NALF1: variants seen among roughly 807,000 people sequenced by gnomAD.
NALF1 encodes NALCN channel auxiliary factor 1, also known as family with sequence similarity 155 member A.
A neutral mutation model predicts 48.4 loss-of-function variants in NALF1; 3 were observed. The observed-to-expected ratio is 0.06, with a 90% CI of 0.03 to 0.16. The LOEUF (loss-of-function observed/expected upper bound fraction) is 0.16, where lower values mean the gene tolerates loss of function less well. Among genes scored for constraint, NALF1 ranks in the 10% least tolerant of loss-of-function variants. The probability of loss-of-function intolerance (pLI) is 1.00; values close to 1 mark genes in which losing one functional copy is unlikely to be tolerated. For missense variants in NALF1, 526 were observed against 571.5 expected (o/e 0.92, Z 0.81); for synonymous variants, 262 against 245.7 (o/e 1.07, Z -0.62).
At chr13:107,659,974 G>T (rs942101113) in intron 1 of NALF1, among the ~76,000 whole-genome samples, 1 of 151,620 alleles carries the variant, frequency 6.6e-6, no homozygotes, top group East Asian at 2.0e-4. Flanking sequence ...CTTGTGATCC[G>T]CCTGCCTTGG....
chr13:107,775,280 C>G (rs905168823), intron 1 of NALF1, among the ~76,000 whole-genome samples: 1 of 146,184 alleles, frequency 6.8e-6, no homozygotes, highest in Non-Finnish European at 1.5e-5. Context: ...TGTTCAATTC[C>G]CACCTATGAG....
intron 1 of NALF1, among the ~76,000 whole-genome samples, chr13:107,645,162 A>G (rs1566427881): frequency 6.6e-6 from 1 of 152,156 alleles, no homozygotes; most frequent in Non-Finnish European, 1.5e-5. Flanking sequence ...AAGGATGTAT[A>G]TATTTGGCTT....
chr13:107,409,432 C>A (rs1883952186), intron 1 of NALF1, among the ~76,000 whole-genome samples: 1 of 152,064 alleles, frequency 6.6e-6, no homozygotes, highest in Non-Finnish European at 1.5e-5. Flanking sequence ...ATGAAAGGAT[C>A]CGGCCTGTTA....
chr13:107,754,926 G>A (rs990663122), intron 1 of NALF1, among the ~76,000 whole-genome samples: 4 of 152,044 alleles, frequency 2.6e-5, no homozygotes, highest in Non-Finnish European at 4.4e-5. Context: ...TTCTTTTCAT[G>A]TTTTCCTCGA....
intron 1 of NALF1, among the ~76,000 whole-genome samples, chr13:107,728,824 C>T (rs1445304422): frequency 1.3e-5 from 2 of 152,164 alleles, no homozygotes; most frequent in Non-Finnish European, 2.9e-5. Context: ...TCGTCAGAGG[C>T]TGGCATAGCT....
chr13:107,284,664 G>C (rs925919176), intron 1 of NALF1, among the ~76,000 whole-genome samples: 1 of 152,122 alleles, frequency 6.6e-6, no homozygotes, highest in Non-Finnish European at 1.5e-5. Flanking sequence ...GTTTAGATGC[G>C]GTCATAAAGG....
chr13:107,666,644 G>A (rs193275108), intron 1 of NALF1, among the ~76,000 whole-genome samples: 49 of 152,218 alleles, frequency 3.2e-4, no homozygotes, highest in African/African-American at 1.1e-3. Flanking sequence ...TAGGACAAAC[G>A]AGATTAATTT....
intron 1 of NALF1, among the ~76,000 whole-genome samples, chr13:107,766,221 A>C (rs1385864837): frequency 6.6e-6 from 1 of 152,192 alleles, no homozygotes; most frequent in Non-Finnish European, 1.5e-5. Flanking sequence ...TTCTTAAAAG[A>C]TAAATCTGTA....
intron 1 of NALF1, among the ~76,000 whole-genome samples, chr13:107,624,693 A>T (rs1030400206): frequency 1.3e-5 from 2 of 152,194 alleles, no homozygotes; most frequent in Non-Finnish European, 2.9e-5. Flanking sequence ...ACATAACTAA[A>T]ATGTAGTTTG....
chr13:107,801,187 A>G (rs1370125586), intron 1 of NALF1, among the ~76,000 whole-genome samples: 3 of 152,190 alleles, frequency 2.0e-5, no homozygotes, highest in Non-Finnish European at 4.4e-5. Context: ...ATTGAGAACT[A>G]TAAGAGTGCC....
intron 1 of NALF1, among the ~76,000 whole-genome samples, chr13:107,470,028 C>A (rs1410270037): frequency 6.6e-6 from 1 of 152,202 alleles, no homozygotes; most frequent in African/African-American, 2.4e-5. Flanking sequence ...CAGGCATGAG[C>A]CACCACGCCC....
At chr13:107,798,233 T>G (rs1878493514) in intron 1 of NALF1, among the ~76,000 whole-genome samples, 1 of 152,196 alleles carries the variant, frequency 6.6e-6, no homozygotes, top group Admixed American at 6.5e-5. Flanking sequence ...TTTTGTGTAT[T>G]TTCTTGTCCT....
chr13:107,182,673 C>T (rs1333329702), intron 2 of NALF1, among the ~76,000 whole-genome samples: 1 of 152,180 alleles, frequency 6.6e-6, no homozygotes, highest in African/African-American at 2.4e-5. Flanking sequence ...CACACTTGAA[C>T]TTATATTTGT....
At chr13:107,366,223 A>G (rs774634339) in intron 1 of NALF1, among the ~76,000 whole-genome samples, 2 of 152,232 alleles carry the variant, frequency 1.3e-5, no homozygotes, top group African/African-American at 4.8e-5. Context: ...CTAGATTTAA[A>G]TATACAGAAA....
At chr13:107,489,778 G>A (rs894362602) in intron 1 of NALF1, among the ~76,000 whole-genome samples, 25 of 152,030 alleles carry the variant, frequency 1.6e-4, no homozygotes, top group African/African-American at 5.6e-4. Flanking sequence ...CATAGCAAAA[G>A]AAACTATCAA....
At chr13:107,250,398 G>T (rs1196046578) in intron 1 of NALF1, among the ~76,000 whole-genome samples, 1 of 151,838 alleles carries the variant, frequency 6.6e-6, no homozygotes, top group Non-Finnish European at 1.5e-5. Context: ...CAGCTATAGT[G>T]ACATGAATTA....
At chr13:107,459,816 C>T (rs1183139665) in intron 1 of NALF1, among the ~76,000 whole-genome samples, 1 of 152,196 alleles carries the variant, frequency 6.6e-6, no homozygotes. Flanking sequence ...TCTCCACTCA[C>T]TGCAGCCTCG....
chr13:107,342,842 A>C (rs917994651), intron 1 of NALF1, among the ~76,000 whole-genome samples: 3 of 152,178 alleles, frequency 2.0e-5, no homozygotes, highest in African/African-American at 7.2e-5. Context: ...GTGGGGGAAA[A>C]TACATGTATC....
At chr13:107,459,273 C>A (rs1327156759) in intron 1 of NALF1, among the ~76,000 whole-genome samples, 1 of 151,976 alleles carries the variant, frequency 6.6e-6, no homozygotes, top group African/African-American at 2.4e-5. Context: ...ACAGACACCT[C>A]ATCAGAGAAG....
Sources: gnomAD v4.1 joint callset for allele counts (sites outside exome capture counted in the v4.1 genomes callset) on GRCh38, gnomAD v4.1.1 for gene constraint, MANE v1.5 for transcripts, NCBI Gene and HGNC (gene_info 2026-07-23, HGNC 2026-07-21) for gene names.